BIRC6: variants seen among roughly 807,000 people sequenced by gnomAD.
The protein encoded by BIRC6 is baculoviral IAP repeat containing 6, also known as dual E2 ubiquitin-conjugating enzyme/E3 ubiquitin-protein ligase BIRC6.
In BIRC6, 98 loss-of-function variants were observed where a neutral mutation model predicts 503.3. The observed-to-expected ratio is 0.19, with a 90% CI of 0.17 to 0.23. The LOEUF (loss-of-function observed/expected upper bound fraction) is 0.23, where lower values mean the gene tolerates loss of function less well. Ranked by LOEUF, BIRC6 falls within the 10% of genes least tolerant of loss-of-function variation. BIRC6 has a pLI of 1.00. For missense variants in BIRC6, 5,360 were observed against 5,806.0 expected (o/e 0.92, Z 2.50); for synonymous variants, 2,240 against 2,078.7 (o/e 1.08, Z -2.11).
In BIRC6 at chr2:32,531,503, T is replaced by A. The variant is rs149269125; in HGVS notation, c.12243T>A (p.Ala4081=). ...LQVFAGMGGL[A]LIAERLPMLY... ...TTTTTGCAGGAATGGGTGGACTGGC[T>A]CTTATTGCTGAAAGACTACCCATGC... is the stretch of plus-strand genomic sequence containing the variant. Residue 4081 remains alanine (A), a synonymous_variant, in exon 61 of 74, where the codon GCT becomes GCA. Coordinates refer to ENST00000421745, the MANE Select transcript of BIRC6 (RefSeq NM_016252.4). 10 of 1,613,742 alleles carry A rather than the reference T, an allele frequency of 6.2e-6. No individual in the cohort carries two copies. In the Middle Eastern group the frequency reaches 9.9e-4, roughly 160 times the overall value.
intron 49 of BIRC6, among the ~76,000 whole-genome samples, chr2:32,504,394 G>A (rs1032455650): frequency 2.0e-5 from 3 of 151,834 alleles, no homozygotes; most frequent in South Asian, 2.1e-4. Flanking sequence ...GAGGCTGGGC[G>A]CGGTGGCTCA....
intron 33 of BIRC6, among the ~76,000 whole-genome samples, chr2:32,473,550 C>A (rs1347251286): frequency 6.6e-6 from 1 of 152,014 alleles, no homozygotes; most frequent in East Asian, 1.9e-4. Context: ...TTAATTCAAT[C>A]CATTTTCCTT....
intron 10 of BIRC6, among the ~76,000 whole-genome samples, chr2:32,416,647 C>T (rs2042402062): frequency 6.6e-6 from 1 of 151,964 alleles, no homozygotes; most frequent in African/African-American, 2.4e-5. Context: ...TTGCTAAATA[C>T]ATTTTTTTGT....
chr2:32,395,493 T>TTCTG lies in BIRC6; in HGVS notation c.952-15_952-14insGTCT. Reference sequence around the variant, plus strand: ...TAATGATTTACCTTTTCTGTCTCTTTTCTTTATAATTTTGCAGCCTGCCTC... The same window carrying TTCTG: ...TAATGATTTACCTTTTCTGTCTCTTTTCTGTCTTTATAATTTTGCAGCCTGCCTC... On this transcript the variant is annotated splice_polypyrimidine_tract_variant and intron_variant, in intron 5 of 73. Transcript: ENST00000421745. 6.4e-7 allele frequency: 1 copy of TTCTG among 1,563,346 alleles called. No homozygotes were observed.
chr2:32,529,033 C>T (rs927467858), intron 59 of BIRC6: 1 of 152,168 alleles, frequency 6.6e-6, no homozygotes, highest in Non-Finnish European at 1.5e-5. Context: ...ATTTTATCAC[C>T]ATTTTCATGC....
chr2:32,611,847 C>G (rs541357185), intron 73 of BIRC6, among the ~76,000 whole-genome samples: 1 of 152,036 alleles, frequency 6.6e-6, no homozygotes, highest in African/African-American at 2.4e-5. Context: ...ATAATGATGA[C>G]AAGATGTGCT....
intron 22 of BIRC6, among the ~76,000 whole-genome samples, chr2:32,451,236 A>G (rs999090108): frequency 6.6e-6 from 1 of 152,208 alleles, no homozygotes; most frequent in Non-Finnish European, 1.5e-5. Context: ...CTAATACAGC[A>G]TATAAAATCC....
chr2:32,420,603 T>C (rs1427220885), intron 10 of BIRC6, among the ~76,000 whole-genome samples: 1 of 152,178 alleles, frequency 6.6e-6, no homozygotes, highest in African/African-American at 2.4e-5. Context: ...AACCTCTGCC[T>C]CCTGGGTTCA....
rs553119447 is a variant in BIRC6 at position 32,439,533 on chromosome 2, G to T, written c.3657G>T (p.Ser1219=). The T allele has an allele frequency of 6.2e-7, 1 of 1,613,434 alleles. No individual in the cohort carries two copies. Among genetic ancestry groups the T allele is most frequent in the African/African-American group, 1.3e-5 (1 of 74,866 alleles). The change falls in exon 16 of 74, where the codon TCG becomes TCT. Residue 1219 remains serine, a synonymous_variant. Transcript: ENST00000421745. ...GTATGGCAGGAGGAAAATATCGTTC[G>T]TTTTTAATCCATGTCAAGGCAGTGA... is the stretch of plus-strand genomic sequence containing the variant. ...VKGMAGGKYR[S]FLIHVKAVNE...
chr2:32,367,695 A>C (rs973017838), intron 1 of BIRC6, among the ~76,000 whole-genome samples: 33 of 152,088 alleles, frequency 2.2e-4, no homozygotes, highest in African/African-American at 8.0e-4. Context: ...GTACACTTGT[A>C]ATTCCAGCTA....
In BIRC6 at chr2:32,442,147, C is replaced by G. The variant is rs1378394498; in HGVS notation, c.4027C>G (p.Gln1343Glu). The G allele has an allele frequency of 6.2e-7, 1 of 1,610,064 alleles. No individual in the cohort carries two copies. The change falls in exon 18 of 74, where the codon CAG (glutamine) becomes GAG (glutamate). Residue 1343 changes from glutamine to glutamate, a missense_variant. Coordinates refer to ENST00000421745, the MANE Select transcript of BIRC6 (RefSeq NM_016252.4). ...NTLCRKTDDG[Q>E]ITEHAQSLVL... is the part of the protein sequence containing the mutation. ...TCTTTGCAGAAAAACAGATGATGGC[C>G]AGATCACAGAACATGCCCAGAGCCT...
intron 66 of BIRC6, among the ~76,000 whole-genome samples, chr2:32,580,496 C>T (rs2060599326): frequency 6.6e-6 from 1 of 152,078 alleles, no homozygotes; most frequent in Non-Finnish European, 1.5e-5. Flanking sequence ...CATAGTGTAG[C>T]TGGAAGGTAG....
intron 54 of BIRC6, among the ~76,000 whole-genome samples, chr2:32,513,541 G>A: frequency 6.6e-6 from 1 of 152,100 alleles, no homozygotes; most frequent in East Asian, 1.9e-4. Flanking sequence ...TTTGGAGGCC[G>A]AGGTGGGAAG....
At chr2:32,561,621 T>A (rs994489799) in intron 65 of BIRC6, among the ~76,000 whole-genome samples, 1 of 151,802 alleles carries the variant, frequency 6.6e-6, no homozygotes, top group Non-Finnish European at 1.5e-5. Flanking sequence ...GATTTTTTTT[T>A]AGTTGTAAAT....
intron 66 of BIRC6, among the ~76,000 whole-genome samples, 169 bp downstream of exon 66, chr2:32,575,535 T>C (rs7583334): frequency 0.054 from 8,205 of 151,850 alleles, 442 homozygotes; most frequent in African/African-American, 0.14. Context: ...GAGGCCGAGG[T>C]GGATGGATCA....
At chr2:32,510,502 T>C in intron 52 of BIRC6, 24 bp from the exon 53 acceptor site, 1 of 1,425,662 alleles carries the variant, frequency 7.0e-7, no homozygotes, top group African/African-American at 1.4e-5. Context: ...TAGCAAACTT[T>C]TTCTTTGGAT....
At chr2:32,411,788 G>A (rs536709661) in intron 9 of BIRC6, among the ~76,000 whole-genome samples, 153 of 152,162 alleles carry the variant, frequency 1.0e-3, no homozygotes, top group Middle Eastern at 3.4e-3. Context: ...CTAACCTGTA[G>A]TGGTCTTTAT....
chr2:32,607,858 G>A (rs1183708843), intron 72 of BIRC6, among the ~76,000 whole-genome samples: 2 of 150,282 alleles, frequency 1.3e-5, no homozygotes, highest in Non-Finnish European at 2.9e-5. Flanking sequence ...GGTGGCAGGC[G>A]CCTGTAATCT....
chr2:32,606,340 C>A (rs2062449369), intron 71 of BIRC6, among the ~76,000 whole-genome samples: 1 of 152,118 alleles, frequency 6.6e-6, no homozygotes, highest in African/African-American at 2.4e-5. Context: ...GTAATCTCAG[C>A]ACTTTGGGAG....
Sources: allele counts gnomAD v4.1 joint callset (sites outside exome capture counted in the v4.1 genomes callset), GRCh38; gene constraint gnomAD v4.1.1; transcripts MANE v1.5; gene names NCBI Gene and HGNC (gene_info 2026-07-23, HGNC 2026-07-21).